Variants in AGBL4 observed in about 807,000 individuals in gnomAD.
AGBL4 encodes the protein AGBL carboxypeptidase 4.
In AGBL4, 58 loss-of-function variants were observed where a neutral mutation model predicts 66.4. The ratio of observed to expected loss-of-function variants is 0.87; its 90% CI spans 0.71 to 1.09. AGBL4 has a LOEUF of 1.09. Among genes scored for constraint, AGBL4 ranks in the 50% least tolerant of loss-of-function variants. AGBL4 has a pLI of 0.00. For missense variants in AGBL4, 579 were observed against 631.0 expected, an observed-to-expected ratio of 0.92 and a Z score of 0.88; for synonymous variants, 234 against 222.9, an observed-to-expected ratio of 1.05 and a Z score of -0.44.
chr1:49,440,502 C>A (rs1484646620), intron 3 of AGBL4, among the ~76,000 whole-genome samples: 3 of 152,158 alleles, frequency 2.0e-5, no homozygotes, highest in Non-Finnish European at 4.4e-5. Context: ...TGACTCTATA[C>A]ATAATACCTT....
At chr1:48,588,468 G>C (rs1487004447) in intron 10 of AGBL4, among the ~76,000 whole-genome samples, 1 of 152,168 alleles carries the variant, frequency 6.6e-6, no homozygotes, top group Non-Finnish European at 1.5e-5. Flanking sequence ...ACAGAGTTGT[G>C]AGGGTCAGTT....
At chr1:50,019,263 T>TTCTCTCTCTC (rs71059571) in intron 1 of AGBL4, among the ~76,000 whole-genome samples, 7 of 83,670 alleles carry the variant, frequency 8.4e-5, no homozygotes, top group Admixed American at 3.0e-4. Context: ...AAAAAAAATA[T>TTCTCTCTCTC]TCTCTCTCTC....
At chr1:49,139,591 T>G (rs1402592073) in intron 4 of AGBL4, among the ~76,000 whole-genome samples, 1 of 152,150 alleles carries the variant, frequency 6.6e-6, no homozygotes, top group African/African-American at 2.4e-5. Context: ...TGCTTGTGGA[T>G]AAATGACACA....
At chr1:49,091,675 T>G (rs1645006123) in intron 4 of AGBL4, among the ~76,000 whole-genome samples, 1 of 152,084 alleles carries the variant, frequency 6.6e-6, no homozygotes, top group South Asian at 2.1e-4. Flanking sequence ...AATCCCATAA[T>G]TGGGTATACA....
intron 3 of AGBL4, among the ~76,000 whole-genome samples, chr1:49,632,298 G>T (rs561137973): frequency 6.6e-6 from 1 of 152,224 alleles, no homozygotes; most frequent in South Asian, 2.1e-4. Context: ...TTATGGGAAG[G>T]GGGAACCTTT....
chr1:49,492,521 C>T (rs920058940), intron 3 of AGBL4, among the ~76,000 whole-genome samples: 30 of 151,956 alleles, frequency 2.0e-4, no homozygotes, highest in Non-Finnish European at 3.7e-4. Flanking sequence ...AAAACAGTTC[C>T]GAAATTCACC....
intron 4 of AGBL4, among the ~76,000 whole-genome samples, chr1:49,147,574 C>T (rs997113367): frequency 6.6e-6 from 1 of 152,056 alleles, no homozygotes; most frequent in Non-Finnish European, 1.5e-5. Flanking sequence ...CCACATACCT[C>T]GTAAGAGGAG....
chr1:49,900,275 C>T (rs1031687396), intron 1 of AGBL4, among the ~76,000 whole-genome samples: 117 of 151,476 alleles, frequency 7.7e-4, no homozygotes, highest in African/African-American at 2.6e-3. Flanking sequence ...GACAGAGTTT[C>T]GCTCTTGTTG....
intron 2 of AGBL4, among the ~76,000 whole-genome samples, chr1:49,729,651 G>A (rs1185622276): frequency 3.3e-5 from 5 of 152,098 alleles, no homozygotes; most frequent in Admixed American, 6.5e-5. Context: ...AACTGATGTC[G>A]GAAGACCCAG....
At chr1:49,288,879 T>C (rs1256422827) in intron 3 of AGBL4, among the ~76,000 whole-genome samples, 1 of 151,426 alleles carries the variant, frequency 6.6e-6, no homozygotes, top group African/African-American at 2.4e-5. Flanking sequence ...GTCTGCCTGG[T>C]AAAAAAAAAT....
chr1:48,795,819 A>T (rs1427272876), intron 6 of AGBL4, among the ~76,000 whole-genome samples: 2 of 151,980 alleles, frequency 1.3e-5, no homozygotes, highest in Non-Finnish European at 2.9e-5. Flanking sequence ...CATCCAGCTA[A>T]TTTTTCTATT....
At chr1:48,843,900 C>G (rs895349965) in intron 6 of AGBL4, among the ~76,000 whole-genome samples, 5 of 152,104 alleles carry the variant, frequency 3.3e-5, no homozygotes, top group African/African-American at 1.2e-4. Context: ...CCTCAGAGTT[C>G]TCTTCTGTTT....
chr1:48,897,327 G>A (rs978080281), intron 5 of AGBL4, among the ~76,000 whole-genome samples: 2 of 152,094 alleles, frequency 1.3e-5, no homozygotes, highest in African/African-American at 2.4e-5. Context: ...TATTTTTTAT[G>A]GCCGATTAAT....
At chr1:48,862,643 A>G (rs901292864) in intron 6 of AGBL4, among the ~76,000 whole-genome samples, 2 of 152,180 alleles carry the variant, frequency 1.3e-5, no homozygotes, top group Admixed American at 6.5e-5. Context: ...TCTTTATACC[A>G]GACTTCATTT....
intron 5 of AGBL4, among the ~76,000 whole-genome samples, chr1:48,983,963 C>G (rs1468343562): frequency 6.6e-6 from 1 of 152,098 alleles, no homozygotes; most frequent in Non-Finnish European, 1.5e-5. Flanking sequence ...ACAGGGAACA[C>G]AGCAAGGAAG....
intron 4 of AGBL4, among the ~76,000 whole-genome samples, chr1:49,228,610 G>T (rs958777972): frequency 2.0e-5 from 3 of 152,222 alleles, no homozygotes; most frequent in Non-Finnish European, 2.9e-5. Context: ...AGGAACAGCA[G>T]TGGTCAGTGA....
At chr1:49,080,714 A>G (rs1183647775) in intron 4 of AGBL4, among the ~76,000 whole-genome samples, 3 of 152,118 alleles carry the variant, frequency 2.0e-5, no homozygotes, top group African/African-American at 7.2e-5. Context: ...TTTGGATTAC[A>G]TTTCTTTGTC....
chr1:49,483,653 C>T (rs2148730500), intron 3 of AGBL4, among the ~76,000 whole-genome samples: 1 of 151,920 alleles, frequency 6.6e-6, no homozygotes, highest in African/African-American at 2.4e-5. Context: ...TACTACAAAA[C>T]ACATTGAGGA....
At chr1:49,440,833 TG>T in intron 3 of AGBL4, among the ~76,000 whole-genome samples, 1 of 152,100 alleles carries the variant, frequency 6.6e-6, no homozygotes, top group Non-Finnish European at 1.5e-5. Flanking sequence ...CCCCAAAACT[TG>T]GAATGTGGAT....
Sources: allele counts gnomAD v4.1 joint callset (sites outside exome capture counted in the v4.1 genomes callset), GRCh38; gene constraint gnomAD v4.1.1; transcripts MANE v1.5; gene names NCBI Gene and HGNC (gene_info 2026-07-23, HGNC 2026-07-21).